GALNT17: variants seen among roughly 807,000 people sequenced by gnomAD.
GALNT17 encodes the protein UDP-GalNAc:polypeptide N-acetylgalactosaminyltransferase-like 3.
Under a neutral mutation model 63.7 loss-of-function variants are expected in GALNT17, and 29 were observed. The ratio of observed to expected loss-of-function variants is 0.46; its 90% CI spans 0.34 to 0.62. The LOEUF is 0.62. GALNT17 is among the 20% of genes least tolerant of loss of function. The pLI is 0.01. For missense variants in GALNT17, 603 were observed against 799.6 expected (o/e 0.75, Z 2.97); for synonymous variants, 305 against 318.3 (o/e 0.96, Z 0.45).
intron 3 of GALNT17, among the ~76,000 whole-genome samples, chr7:71,393,190 G>C (rs1793080336): frequency 1.3e-5 from 2 of 152,104 alleles, no homozygotes; most frequent in Non-Finnish European, 2.9e-5. Flanking sequence ...TTACCATTAT[G>C]TAATGCTCTC....
intron 6 of GALNT17, among the ~76,000 whole-genome samples, chr7:71,615,791 T>A (rs538480743): frequency 6.6e-6 from 1 of 152,248 alleles, no homozygotes; most frequent in African/African-American, 2.4e-5. Flanking sequence ...AAGTGCTTTC[T>A]TACTTTTTAC....
intron 5 of GALNT17, among the ~76,000 whole-genome samples, chr7:71,440,418 A>C (rs1015967946): frequency 1.4e-5 from 2 of 143,222 alleles, no homozygotes; most frequent in African/African-American, 5.2e-5. Context: ...TCTGTTGCCC[A>C]GGCTAGAGTG....
chr7:71,357,625 G>A (rs563877474), intron 2 of GALNT17, among the ~76,000 whole-genome samples: 5 of 152,188 alleles, frequency 3.3e-5, no homozygotes, highest in South Asian at 2.1e-4. Flanking sequence ...TTAAAGTCCC[G>A]TCTTTGGCTA....
intron 3 of GALNT17, among the ~76,000 whole-genome samples, chr7:71,400,970 G>A (rs150361764): frequency 1.4e-4 from 22 of 152,292 alleles, no homozygotes; most frequent in African/African-American, 5.1e-4. Flanking sequence ...ACATCCTATG[G>A]AAATTTACTG....
chr7:71,271,107 AT>A (rs1790580524), intron 1 of GALNT17, among the ~76,000 whole-genome samples: 1 of 152,248 alleles, frequency 6.6e-6, no homozygotes, highest in South Asian at 2.1e-4. Context: ...TGACAAAAGC[AT>A]TTAAAGACTT....
intron 6 of GALNT17, among the ~76,000 whole-genome samples, chr7:71,578,821 A>T (rs1417169760): frequency 6.6e-6 from 1 of 152,086 alleles, no homozygotes; most frequent in African/African-American, 2.4e-5. Context: ...CGCCCTAGCC[A>T]CTTCTCTATG....
At chr7:71,511,983 C>A (rs1397633397) in intron 5 of GALNT17, among the ~76,000 whole-genome samples, 1 of 151,048 alleles carries the variant, frequency 6.6e-6, no homozygotes, top group Non-Finnish European at 1.5e-5. Flanking sequence ...CAACACTAAC[C>A]CTATGTCAAT....
At chr7:71,586,493 A>T (rs1410416304) in intron 6 of GALNT17, among the ~76,000 whole-genome samples, 1 of 152,304 alleles carries the variant, frequency 6.6e-6, no homozygotes, top group Non-Finnish European at 1.5e-5. Context: ...AAAGTCTTTT[A>T]TGAACATTTG....
At chr7:71,294,749 T>C (rs963616041) in intron 1 of GALNT17, among the ~76,000 whole-genome samples, 1 of 152,120 alleles carries the variant, frequency 6.6e-6, no homozygotes, top group African/African-American at 2.4e-5. Context: ...TATACAGACA[T>C]CTATTAGTTC....
intron 6 of GALNT17, among the ~76,000 whole-genome samples, chr7:71,590,761 C>G (rs1234595872): frequency 6.6e-6 from 1 of 152,120 alleles, no homozygotes; most frequent in African/African-American, 2.4e-5. Flanking sequence ...GAGTTTCACT[C>G]TTGTTGCCCA....
At chr7:71,572,383 T>G (rs1207346510) in intron 6 of GALNT17, among the ~76,000 whole-genome samples, 1 of 150,954 alleles carries the variant, frequency 6.6e-6, no homozygotes, top group Non-Finnish European at 1.5e-5. Context: ...GAACCTGTAG[T>G]CCCAGCTACT....
At position 71,200,071 on chromosome 7, in the gene GALNT17, A is replaced by C. The variant is rs139928208; in HGVS notation, c.238+67031A>C. Among the ~76,000 whole-genome samples the C allele has an allele frequency of 3.4e-3, 516 of 152,290 alleles. 2 individuals are homozygous for C. Among genetic ancestry groups the C allele is most frequent in the African/African-American group, 0.012 (485 of 41,552 alleles). On this transcript the variant is annotated intron_variant, in intron 1 of 10. Transcript: ENST00000333538. ...TCTGCTGACTTCTTGAAGTAAAGGCACAAATGTCTTTAACCCAGTAAGTAC... is the reference window on the plus strand; with the variant it reads ...TCTGCTGACTTCTTGAAGTAAAGGCCCAAATGTCTTTAACCCAGTAAGTAC...
intron 5 of GALNT17, among the ~76,000 whole-genome samples, chr7:71,509,847 T>G (rs1428741117): frequency 6.6e-6 from 1 of 152,184 alleles, no homozygotes; most frequent in Non-Finnish European, 1.5e-5. Flanking sequence ...CCTTCAACAC[T>G]GCCCCAAGAG....
chr7:71,363,115 C>T (rs1792437336), intron 2 of GALNT17, among the ~76,000 whole-genome samples: 1 of 151,998 alleles, frequency 6.6e-6, no homozygotes. Flanking sequence ...TGCAGGCACG[C>T]ACCACGATGC....
At chr7:71,337,536 T>G (rs1791929968) in intron 2 of GALNT17, among the ~76,000 whole-genome samples, 1 of 152,170 alleles carries the variant, frequency 6.6e-6, no homozygotes, top group African/African-American at 2.4e-5. Context: ...GGTTATTGTT[T>G]CAACTTACAC....
chr7:71,470,249 G>C (rs1217838471), intron 5 of GALNT17, among the ~76,000 whole-genome samples: 2 of 152,110 alleles, frequency 1.3e-5, no homozygotes, highest in Non-Finnish European at 2.9e-5. Flanking sequence ...TAAGGTTGTA[G>C]TCCAGTTAGA....
At position 71,415,753 on chromosome 7, in the gene GALNT17, T is replaced by C. The variant is rs1793512039; in HGVS notation, c.590-136T>C. On this transcript the variant is annotated intron_variant, in intron 3 of 10. Transcript: ENST00000333538. ...GACTCCTAGACTGATGAGATTTTCT[T>C]TTCTGCCAGAATTACTAACATGCGA... 4.1e-6 allele frequency: 4 copies of C among 980,830 alleles called. No individual in the cohort carries two copies. The Admixed American group carries it at 9.6e-5, about 24-fold the overall frequency. The allele number at this position is 980,830 out of a possible 1,614,324, so 60.8% of individuals were successfully genotyped here. A position where few individuals can be genotyped will look rare whatever the true frequency, so the allele number is the denominator to read the frequency against.
intron 1 of GALNT17, among the ~76,000 whole-genome samples, chr7:71,301,825 AAG>A (rs1427118083): frequency 6.6e-6 from 1 of 152,254 alleles, no homozygotes. Flanking sequence ...AAAGGCAAAA[AAG>A]AATTTCACTG....
chr7:71,181,233 C>T (rs1387041662), intron 1 of GALNT17, among the ~76,000 whole-genome samples: 6 of 146,218 alleles, frequency 4.1e-5, no homozygotes, highest in African/African-American at 1.0e-4. Context: ...CCAGCCTGGG[C>T]GACAGAGCAA....
Sources: allele counts gnomAD v4.1 joint callset (sites outside exome capture counted in the v4.1 genomes callset), GRCh38; gene constraint gnomAD v4.1.1; transcripts MANE v1.5; gene names NCBI Gene and HGNC (gene_info 2026-07-23, HGNC 2026-07-21).